Variants in NHSL2 observed in about 807,000 individuals in gnomAD.
NHSL2 encodes the protein NHS like 2, also known as NHS-like protein 2.
Under a neutral mutation model 53.4 loss-of-function variants are expected in NHSL2, and 27 were observed. That is an observed-to-expected ratio of 0.51 (90% CI 0.37 to 0.70). NHSL2 has a LOEUF of 0.70. NHSL2 is among the 30% of genes least tolerant of loss of function. The pLI is 0.00. For missense variants in NHSL2, 892 were observed against 980.1 expected, an observed-to-expected ratio of 0.91 and a Z score of 1.20; for synonymous variants, 408 against 404.1, an observed-to-expected ratio of 1.01 and a Z score of -0.12.
At chrX:72,052,068 T>C (rs1713600711) in intron 1 of NHSL2, among the ~76,000 whole-genome samples, 1 of 112,310 alleles carries the variant, frequency 8.9e-6, no homozygotes, top group Non-Finnish European at 1.9e-5. Flanking sequence ...GGAAAGTAAG[T>C]GTAACCAAAA....
chrX:72,053,177 A>G (rs887267410), intron 1 of NHSL2, among the ~76,000 whole-genome samples: 1 of 112,210 alleles, frequency 8.9e-6, no homozygotes, highest in African/African-American at 3.2e-5. Flanking sequence ...CAAACCAGGA[A>G]TTAGGAGCCT....
chrX:72,110,313 C>T (rs746958620), intron 1 of NHSL2, among the ~76,000 whole-genome samples: 1 of 111,190 alleles, frequency 9.0e-6, no homozygotes, highest in Admixed American at 9.6e-5. Flanking sequence ...GAAGCACTGG[C>T]CTAGAAGACA....
chrX:71,935,055 A>G (rs2041731293), intron 1 of NHSL2, among the ~76,000 whole-genome samples: 1 of 111,515 alleles, frequency 9.0e-6, no homozygotes, highest in Non-Finnish European at 1.9e-5. Context: ...ATGCACACCC[A>G]CATGTTCACA....
At chrX:71,919,510 G>A (rs910484759) in intron 1 of NHSL2, among the ~76,000 whole-genome samples, 3 of 112,151 alleles carry the variant, frequency 2.7e-5, no homozygotes, top group Non-Finnish European at 5.6e-5. Flanking sequence ...TTCCTAGACA[G>A]CTATGAATTG....
intron 1 of NHSL2, among the ~76,000 whole-genome samples, chrX:72,076,467 G>A (rs1188300645): frequency 1.8e-5 from 2 of 111,111 alleles, no homozygotes; most frequent in African/African-American, 3.3e-5. Context: ...AGATCAATAG[G>A]GGCAACAGTC....
chrX:72,053,878 C>G (rs1020804976), intron 1 of NHSL2, among the ~76,000 whole-genome samples: 1 of 111,838 alleles, frequency 8.9e-6, no homozygotes, highest in Non-Finnish European at 1.9e-5. Flanking sequence ...ATACTCCTAC[C>G]ATCTACAGCA....
intron 1 of NHSL2, among the ~76,000 whole-genome samples, chrX:72,075,875 A>G (rs2041736820): frequency 9.8e-6 from 1 of 102,560 alleles, no homozygotes; most frequent in Middle Eastern, 4.5e-3. Flanking sequence ...GGTGAGAGGG[A>G]TGTGGAGGGG....
At chrX:71,995,838 C>T (rs1430404574) in intron 1 of NHSL2, among the ~76,000 whole-genome samples, 2 of 112,404 alleles carry the variant, frequency 1.8e-5, no homozygotes, top group East Asian at 5.6e-4. Flanking sequence ...AAACTTTTGT[C>T]TGTTTTCCCC....
chrX:72,029,562 G>T (rs1433146783), intron 1 of NHSL2, among the ~76,000 whole-genome samples: 3 of 112,772 alleles, frequency 2.7e-5, no homozygotes, highest in African/African-American at 9.7e-5. Flanking sequence ...GGCTGCTCCT[G>T]CCTCCTCAGG....
intron 1 of NHSL2, among the ~76,000 whole-genome samples, chrX:71,973,545 C>T (rs2041935390): frequency 8.9e-6 from 1 of 111,763 alleles, no homozygotes; most frequent in Non-Finnish European, 1.9e-5. Context: ...TGCCTCTAAG[C>T]CACTGCCCTG....
intron 1 of NHSL2, among the ~76,000 whole-genome samples, chrX:72,025,261 G>T (rs1483494236): frequency 8.9e-6 from 1 of 112,402 alleles, no homozygotes; most frequent in Non-Finnish European, 1.9e-5. Flanking sequence ...TACCCCCAAA[G>T]ATCTCCCACC....
chrX:72,083,724 T>TAA (rs1460291278), intron 1 of NHSL2, among the ~76,000 whole-genome samples: 3 of 112,423 alleles, frequency 2.7e-5, no homozygotes, highest in African/African-American at 9.7e-5. Flanking sequence ...AGAAAAAGAT[T>TAA]AAGTGAATTG....
chrX:72,062,933 C>T (rs1286130097), intron 1 of NHSL2, among the ~76,000 whole-genome samples: 1 of 112,070 alleles, frequency 8.9e-6, no homozygotes, highest in Admixed American at 9.4e-5. Flanking sequence ...AGAGGACCCT[C>T]AGGAGGTAAT....
At chrX:72,091,416 T>G (rs1243949862) in intron 1 of NHSL2, among the ~76,000 whole-genome samples, 1 of 109,767 alleles carries the variant, frequency 9.1e-6, no homozygotes, top group Non-Finnish European at 1.9e-5. Context: ...ATCGCGCCAC[T>G]GCACTCCAGC....
intron 7 of NHSL2, 63 bp downstream of exon 7, chrX:72,142,427 C>G: frequency 3.5e-6 from 3 of 850,040 alleles, no homozygotes; most frequent in Non-Finnish European, 4.9e-6. Flanking sequence ...TAAAGAAAAC[C>G]TGCTATTCCA....
chrX:72,104,011 A>G (rs761031557), intron 1 of NHSL2, among the ~76,000 whole-genome samples: 1 of 113,066 alleles, frequency 8.8e-6, no homozygotes, highest in Non-Finnish European at 1.9e-5. Flanking sequence ...CTTGACCAGG[A>G]GTTCATTTAC....
chrX:72,024,125 C>T (rs1293467085), intron 1 of NHSL2, among the ~76,000 whole-genome samples: 2 of 111,867 alleles, frequency 1.8e-5, no homozygotes, highest in Non-Finnish European at 3.8e-5. Flanking sequence ...GGCTCTGATG[C>T]TCCCTAAACC....
intron 1 of NHSL2, among the ~76,000 whole-genome samples, chrX:72,110,462 T>C (rs1040781507): frequency 6.3e-5 from 7 of 110,237 alleles, no homozygotes; most frequent in African/African-American, 2.3e-4. Context: ...ATGAGTAAAT[T>C]TATGAAGGAA....
At position 72,149,252 on chromosome X, in the gene NHSL2, G is replaced by T. The variant is rs2042491576; in HGVS notation, c.*5678G>T. ...AACTCACAAATGGAAAAAAGGGAAA[G>T]GTGTTAAGTTTGTTTGGTATTGCCA... is the stretch of plus-strand genomic sequence containing the variant. On this transcript the variant is annotated 3_prime_UTR_variant, in exon 8 of 8. Transcript: ENST00000633930. The T allele has an allele frequency of 9.0e-6, 1 of 110,855 alleles. No individual in the cohort carries two copies. Among genetic ancestry groups the T allele is most frequent in the Admixed American group, 9.6e-5 (1 of 10,391 alleles). 9.1% of individuals were successfully genotyped at this position (110,855 alleles called of 1,213,427 possible). A position where few individuals can be genotyped will look rare whatever the true frequency, so the allele number is the denominator to read the frequency against.
Sources: gnomAD v4.1 joint callset for allele counts (sites outside exome capture counted in the v4.1 genomes callset) on GRCh38, gnomAD v4.1.1 for gene constraint, MANE v1.5 for transcripts, NCBI Gene and HGNC (gene_info 2026-07-23, HGNC 2026-07-21) for gene names.